Variants in PLCH1 observed in about 807,000 individuals in gnomAD.
PLCH1 encodes phospholipase C eta 1.
In PLCH1, 60 loss-of-function variants were observed where a neutral mutation model predicts 126.7. The observed-to-expected ratio is 0.47, with a 90% CI of 0.38 to 0.59. PLCH1 has a LOEUF of 0.59. PLCH1 is among the 20% of genes least tolerant of loss of function. The pLI, the probability that PLCH1 is intolerant of heterozygous loss-of-function variation, is 0.00. For missense variants in PLCH1, 1,723 were observed against 2,040.0 expected (o/e 0.84, Z 2.99); for synonymous variants, 719 against 734.9 (o/e 0.98, Z 0.35).
chr3:155,469,348 G>A (rs955813393), intron 21 of PLCH1, among the ~76,000 whole-genome samples: 7 of 152,192 alleles, frequency 4.6e-5, no homozygotes, highest in Admixed American at 2.0e-4. Context: ...ACTCCCACCC[G>A]AATACTGCGC....
At chr3:155,559,160 C>T (rs1191131615) in intron 8 of PLCH1, among the ~76,000 whole-genome samples, 1 of 152,166 alleles carries the variant, frequency 6.6e-6, no homozygotes, top group Admixed American at 6.5e-5. Flanking sequence ...CAGTGCAATT[C>T]AAGAGTCAGA....
intron 5 of PLCH1, among the ~76,000 whole-genome samples, chr3:155,585,751 A>G (rs577074578): frequency 2.4e-4 from 36 of 152,300 alleles, no homozygotes; most frequent in Non-Finnish European, 4.0e-4. Context: ...TCTGATCCTC[A>G]CAAGAGCCCT....
rs145456870 is a variant in PLCH1 at position 155,645,264 on chromosome 3, C to T, written c.80-48886G>A. On this transcript the variant is annotated intron_variant, in intron 2 of 22. Transcript: ENST00000460012. ...CCCAGGCTACAGCACTGTGGCTATTCACAGGCACAATCACGGCACACTGCA... is the reference window on the plus strand; with the variant it reads ...CCCAGGCTACAGCACTGTGGCTATTTACAGGCACAATCACGGCACACTGCA... 5.1e-3 allele frequency among the ~76,000 whole-genome samples: 773 copies of T among 152,268 alleles called. 7 individuals are homozygous for T. The highest frequency in any genetic ancestry group is 0.018 in the African/African-American group (735 of 41,556).
intron 10 of PLCH1, among the ~76,000 whole-genome samples, chr3:155,546,214 A>G (rs898739073): frequency 6.6e-6 from 1 of 152,202 alleles, no homozygotes; most frequent in African/African-American, 2.4e-5. Flanking sequence ...ATCAATGTAC[A>G]AAAATCACAA....
Position 155,690,151 on chromosome 3 carries a change from T to C in PLCH1, c.79+13995A>G, listed in dbSNP as rs899717524. On this transcript the variant is annotated intron_variant, in intron 2 of 22. Coordinates refer to ENST00000460012, the MANE Select transcript of PLCH1 (RefSeq NM_014996.4). ...CCAGGAGAGAGTAGCATGACATATT[T>C]AAAGTGTTGACAGAAAAAACTTTTA... is the stretch of plus-strand genomic sequence containing the variant. Among the ~76,000 whole-genome samples the C allele has an allele frequency of 2.0e-5, 3 of 152,186 alleles. No individual in the cohort carries two copies. In the East Asian group the frequency reaches 5.8e-4, roughly 29 times the overall value.
chr3:155,565,702 ATTT>A (rs34922939), intron 7 of PLCH1, among the ~76,000 whole-genome samples: 43 of 43,724 alleles, frequency 9.8e-4, no homozygotes, highest in Non-Finnish European at 2.6e-3. Context: ...TTATTTATTT[ATTT>A]TTTTTTTTGA....
In PLCH1 at chr3:155,494,137, ACACCTTTG is replaced by A; in HGVS notation, c.2178_2182+3del. ...GCATTTATGACTATGAAATTAATAC[ACACCTTTG>A]CACATTTGCTGGGGTTTGAGGACAT... On this transcript the variant is annotated splice_donor_variant and splice_donor_region_variant and coding_sequence_variant and intron_variant, in exon 17 of 23. Transcript: ENST00000460012. LOFTEE classifies it high-confidence loss of function. The A allele has an allele frequency of 6.2e-7, 1 of 1,607,838 alleles. No individual in the cohort carries two copies. The highest frequency in any genetic ancestry group is 8.5e-7 in the Non-Finnish European group (1 of 1,174,290).
chr3:155,683,042 C>T (rs1009068864), intron 2 of PLCH1, among the ~76,000 whole-genome samples: 1 of 152,164 alleles, frequency 6.6e-6, no homozygotes, highest in Non-Finnish European at 1.5e-5. Flanking sequence ...TCAAATAAAC[C>T]AGTTTGGATC....
intron 2 of PLCH1, among the ~76,000 whole-genome samples, chr3:155,652,416 A>T (rs1365287904): frequency 6.6e-6 from 1 of 152,236 alleles, no homozygotes; most frequent in African/African-American, 2.4e-5. Context: ...TCAATCTGAC[A>T]TCCAGTCACA....
chr3:155,593,892 A>G lies in PLCH1; in HGVS notation c.470+49T>C, dbSNP rs1200239416. 1.9e-6 allele frequency: 3 copies of G among 1,589,944 alleles called. No individual in the cohort carries two copies. The East Asian group carries it at 6.7e-5, about 36-fold the overall frequency. ...CCTTACTTCACAAATGCACACACGC[A>G]TACACAGAGAGCAAGAGAGAGCTGA... On this transcript the variant is annotated intron_variant, in intron 4 of 22. Transcript: ENST00000460012.
intron 2 of PLCH1, among the ~76,000 whole-genome samples, chr3:155,656,878 C>G (rs565022201): frequency 3.3e-5 from 5 of 151,674 alleles, no homozygotes; most frequent in Non-Finnish European, 5.9e-5. Context: ...GTTATGTAAC[C>G]ATATAACCTA....
chr3:155,619,129 AACTTATAGTTGGTAACACCTCTATAGGAT>A (rs11267141), intron 2 of PLCH1, among the ~76,000 whole-genome samples: 73,576 of 151,694 alleles, frequency 0.49, 20,250 homozygotes, highest in African/African-American at 0.74. Flanking sequence ...GAGCCCCCAG[AACTTATAGTTGGTAACACCTCTATAGGAT>A]ACTTACACAG....
intron 2 of PLCH1, among the ~76,000 whole-genome samples, chr3:155,676,576 C>G (rs1008783006): frequency 1.6e-4 from 25 of 152,262 alleles, no homozygotes; most frequent in Admixed American, 1.6e-3. Context: ...CACACAGACA[C>G]ACACTCTCAG....
chr3:155,485,798 A>T (rs1714985618), intron 21 of PLCH1, 88 bp from the exon 22 acceptor site: 1 of 766,170 alleles, frequency 1.3e-6, no homozygotes, highest in Non-Finnish European at 2.1e-6. Flanking sequence ...ATGAAAAATG[A>T]ATATAAACCA....
At chr3:155,506,308 T>G (rs1189390103) in intron 12 of PLCH1, among the ~76,000 whole-genome samples, 1 of 151,636 alleles carries the variant, frequency 6.6e-6, no homozygotes, top group African/African-American at 2.4e-5. Context: ...CTGGCTTCCT[T>G]CCACTTCTCC....
At position 155,524,024 on chromosome 3, in the gene PLCH1, C is replaced by T; in HGVS notation, c.1363-20G>A. The T allele has an allele frequency of 7.3e-7, 1 of 1,371,852 alleles. No homozygotes were observed. The highest frequency in any genetic ancestry group is 1.0e-6 in the Non-Finnish European group (1 of 968,056). The allele number at this position is 1,371,852 out of a possible 1,614,324, so 85.0% of individuals were successfully genotyped here. A position where few individuals can be genotyped will look rare whatever the true frequency, so the allele number is the denominator to read the frequency against. ...CTTACCCTGAAATGGAACAAAACAT[C>T]CCATTTAAAAATGAGAATAAATTCA... On this transcript the variant is annotated intron_variant, in intron 10 of 22. Coordinates refer to ENST00000460012, the MANE Select transcript of PLCH1 (RefSeq NM_014996.4).
chr3:155,709,409 T>C (rs1746924373), intron 1 of PLCH1, among the ~76,000 whole-genome samples: 1 of 152,224 alleles, frequency 6.6e-6, no homozygotes, highest in African/African-American at 2.4e-5. Context: ...CTGCCAGCAA[T>C]AAATGATAGT....
intron 14 of PLCH1, among the ~76,000 whole-genome samples, chr3:155,498,101 C>T (rs1041506722): frequency 7.2e-5 from 11 of 152,224 alleles, no homozygotes; most frequent in African/African-American, 1.2e-4. Context: ...TGAGTCATCC[C>T]TTTGTCCAGC....
intron 18 of PLCH1, 70 bp downstream of exon 18, chr3:155,492,659 G>A (rs1451980188): frequency 2.1e-5 from 28 of 1,362,158 alleles, no homozygotes; most frequent in East Asian, 2.0e-4. Context: ...AAGACATTTC[G>A]GATAAAATGT....
Sources: allele counts gnomAD v4.1 joint callset (sites outside exome capture counted in the v4.1 genomes callset), GRCh38; gene constraint gnomAD v4.1.1; transcripts MANE v1.5; gene names NCBI Gene and HGNC (gene_info 2026-07-23, HGNC 2026-07-21).